Variants in ROBO1 observed in about 807,000 individuals in gnomAD.
ROBO1 encodes roundabout guidance receptor 1.
A neutral mutation model predicts 195.9 loss-of-function variants in ROBO1; 149 were observed. That is an observed-to-expected ratio of 0.76 (90% CI 0.67 to 0.87). ROBO1 has a LOEUF of 0.87. Ranked by LOEUF, ROBO1 falls within the 40% of genes least tolerant of loss-of-function variation. The probability of loss-of-function intolerance (pLI) is 0.00; values close to 1 mark genes in which losing one functional copy is unlikely to be tolerated. For synonymous variants in ROBO1, 816 were observed against 733.2 expected, an observed-to-expected ratio of 1.11 and a Z score of -1.82; for missense variants, 1,933 against 2,068.3, an observed-to-expected ratio of 0.93 and a Z score of 1.27.
At chr3:79,619,622 G>A (rs974147023) in intron 1 of ROBO1, among the ~76,000 whole-genome samples, 1 of 152,044 alleles carries the variant, frequency 6.6e-6, no homozygotes, top group Non-Finnish European at 1.5e-5. Flanking sequence ...TAGAGAGGTG[G>A]CTAGAGCTGA....
At chr3:79,148,406 C>T (rs2080697869) in intron 2 of ROBO1, among the ~76,000 whole-genome samples, 1 of 151,678 alleles carries the variant, frequency 6.6e-6, no homozygotes, top group African/African-American at 2.4e-5. Context: ...GTCTCCTGAG[C>T]CTAGAGTTCG....
intron 3 of ROBO1, among the ~76,000 whole-genome samples, chr3:78,970,104 T>C (rs1237432186): frequency 1.3e-5 from 2 of 152,094 alleles, no homozygotes; most frequent in African/African-American, 4.8e-5. Context: ...CAAAGACTCA[T>C]TAAAGGTGAA....
rs1183452906 is a variant in ROBO1, at chr3:78,707,205, T to C, written c.1045+7192A>G. ...TTCTTTTCTGAAGCATGTAGTTTAC[T>C]AGCAGCAAGGAGAGACACTCTAGGA... is the stretch of plus-strand genomic sequence containing the variant. On this transcript the variant is annotated intron_variant, in intron 8 of 30. Transcript: ENST00000464233. Among the ~76,000 whole-genome samples, 7 of 152,176 alleles carry C rather than the reference T, an allele frequency of 4.6e-5. No homozygotes were observed. In the South Asian group the frequency reaches 8.3e-4, roughly 18 times the overall value.
At chr3:78,629,771 A>G (rs944333373) in intron 25 of ROBO1, among the ~76,000 whole-genome samples, 6 of 152,132 alleles carry the variant, frequency 3.9e-5, no homozygotes, top group Non-Finnish European at 7.4e-5. Context: ...AAACCCCCAA[A>G]TTGGTATCTG....
intron 2 of ROBO1, among the ~76,000 whole-genome samples, chr3:79,471,586 G>T (rs999329112): frequency 2.6e-5 from 4 of 151,942 alleles, no homozygotes; most frequent in Non-Finnish European, 5.9e-5. Flanking sequence ...TGACTAAAAT[G>T]GTTTACTCCT....
At chr3:79,211,487 C>T (rs905260421) in intron 2 of ROBO1, among the ~76,000 whole-genome samples, 2 of 152,106 alleles carry the variant, frequency 1.3e-5, no homozygotes, top group Non-Finnish European at 2.9e-5. Flanking sequence ...GCTCTCACCC[C>T]CAATGTAGGG....
intron 5 of ROBO1, among the ~76,000 whole-genome samples, chr3:78,740,619 G>T (rs1035479827): frequency 2.6e-5 from 4 of 151,848 alleles, no homozygotes; most frequent in Admixed American, 6.6e-5. Flanking sequence ...TTACAGGCAT[G>T]CACCATGACG....
At chr3:79,395,457 C>T (rs962666113) in intron 2 of ROBO1, among the ~76,000 whole-genome samples, 1 of 151,596 alleles carries the variant, frequency 6.6e-6, no homozygotes, top group African/African-American at 2.4e-5. Context: ...ATTTTCCCAT[C>T]TAATGAGAGT....
intron 1 of ROBO1, among the ~76,000 whole-genome samples, chr3:79,696,094 C>T (rs1402092236): frequency 6.6e-6 from 1 of 151,284 alleles, no homozygotes; most frequent in Non-Finnish European, 1.5e-5. Context: ...AATGTTAATA[C>T]GTGAGTATAT....
intron 10 of ROBO1, among the ~76,000 whole-genome samples, chr3:78,678,684 T>C (rs1030693711): frequency 2.6e-5 from 4 of 152,102 alleles, no homozygotes; most frequent in African/African-American, 9.7e-5. Flanking sequence ...CAATAATCAA[T>C]AGCTTACCAA....
rs557296082 is a variant in ROBO1 at position 78,953,802 on chromosome 3, G to C, written c.173-14875C>G. Among the ~76,000 whole-genome samples the C allele has an allele frequency of 1.3e-4, 19 of 147,764 alleles. No individual in the cohort carries two copies. In the South Asian group the frequency reaches 3.7e-3, roughly 29 times the overall value. ...TCTCTGAATATTAGTTTCTCCATCT[G>C]TAAAATGAGGCTAAAATACCTACAC... On this transcript the variant is annotated intron_variant, in intron 3 of 30. Transcript: ENST00000464233.
intron 4 of ROBO1, among the ~76,000 whole-genome samples, chr3:78,854,278 A>G (rs1442538257): frequency 6.8e-6 from 1 of 147,852 alleles, no homozygotes; most frequent in African/African-American, 2.5e-5. Context: ...TACATAATCA[A>G]TATGATGTAT....
chr3:79,136,430 T>C lies in ROBO1; in HGVS notation c.89-10891A>G, dbSNP rs138519390. Among the ~76,000 whole-genome samples the C allele has an allele frequency of 5.4e-4, 82 of 152,242 alleles. 1 individual carries two copies. Among genetic ancestry groups the C allele is most frequent in the African/African-American group, 1.9e-3 (77 of 41,576 alleles). On this transcript the variant is annotated intron_variant, in intron 2 of 30. Coordinates refer to ENST00000464233, the MANE Select transcript of ROBO1 (RefSeq NM_002941.4). Reference sequence around the variant, plus strand: ...ATTATCACAGTGCAGAGCTTTGGCATTAATTGACATTTTAAAGATGACCAT... The same window carrying C: ...ATTATCACAGTGCAGAGCTTTGGCACTAATTGACATTTTAAAGATGACCAT...
chr3:79,252,831 C>T (rs925773777), intron 2 of ROBO1, among the ~76,000 whole-genome samples: 4 of 152,052 alleles, frequency 2.6e-5, no homozygotes, highest in Non-Finnish European at 5.9e-5. Flanking sequence ...CACAGAAGTA[C>T]GCAGCCACAC....
intron 2 of ROBO1, among the ~76,000 whole-genome samples, chr3:79,379,120 C>G (rs557375942): frequency 6.7e-6 from 1 of 150,074 alleles, no homozygotes; most frequent in South Asian, 2.1e-4. Context: ...GTACACTACA[C>G]ATGTACCTCT....
intron 2 of ROBO1, among the ~76,000 whole-genome samples, chr3:79,133,865 G>A (rs1487464019): frequency 2.0e-5 from 3 of 149,850 alleles, no homozygotes; most frequent in Non-Finnish European, 4.4e-5. Flanking sequence ...GGTTTTCGGT[G>A]TAGATGTCCT....
chr3:79,182,015 G>A (rs116725859), intron 2 of ROBO1, among the ~76,000 whole-genome samples: 13,317 of 150,736 alleles, frequency 0.088, 1,012 homozygotes, highest in African/African-American at 0.2. Flanking sequence ...TTTATAATGT[G>A]GTATTGGAAA....
chr3:79,219,561 A>C (rs1363263728), intron 2 of ROBO1, among the ~76,000 whole-genome samples: 1 of 152,040 alleles, frequency 6.6e-6, no homozygotes, highest in South Asian at 2.1e-4. Context: ...TGAACCATGC[A>C]TGATTTCAAA....
At chr3:79,070,507 T>C (rs2079070100) in intron 3 of ROBO1, among the ~76,000 whole-genome samples, 2 of 151,886 alleles carry the variant, frequency 1.3e-5, no homozygotes, top group Admixed American at 6.6e-5. Context: ...TTGAAGATAT[T>C]ATTCCAACGT....
Sources: allele counts gnomAD v4.1 joint callset (sites outside exome capture counted in the v4.1 genomes callset), GRCh38; gene constraint gnomAD v4.1.1; transcripts MANE v1.5; gene names NCBI Gene and HGNC (gene_info 2026-07-23, HGNC 2026-07-21).